SEM1: variants seen among roughly 807,000 people sequenced by gnomAD.
The protein encoded by SEM1 is SEM1 26S proteasome subunit, also known as 26S proteasome complex subunit SEM1.
A neutral mutation model predicts 12.7 loss-of-function variants in SEM1; 3 were observed. The ratio of observed to expected loss-of-function variants is 0.24; its 90% CI spans 0.11 to 0.61. SEM1 has a LOEUF of 0.61. SEM1 is among the 20% of genes least tolerant of loss of function. The pLI is 0.88. For missense variants in SEM1, 59 were observed against 81.3 expected, an observed-to-expected ratio of 0.73 and a Z score of 1.06; for synonymous variants, 30 against 27.8, an observed-to-expected ratio of 1.08 and a Z score of -0.25.
intron 2 of SEM1, among the ~76,000 whole-genome samples, chr7:96,522,891 C>CAAAA (rs540895823): frequency 2.7e-4 from 24 of 87,546 alleles, no homozygotes; most frequent in South Asian, 4.6e-4. Context: ...AACTCCATCT[C>CAAAA]AAAAAAAAAA....
chr7:96,584,445 C>G (rs1302843070), intron 2 of SEM1, among the ~76,000 whole-genome samples: 3 of 151,954 alleles, frequency 2.0e-5, no homozygotes, highest in East Asian at 3.9e-4. Context: ...AATTATGTGT[C>G]TTGGAGTTGC....
chr7:96,559,944 AG>A, intron 2 of SEM1, among the ~76,000 whole-genome samples: 1 of 152,224 alleles, frequency 6.6e-6, no homozygotes, highest in East Asian at 1.9e-4. Context: ...ACCTTGAAGA[AG>A]GTGCTGCCTT....
chr7:96,573,592 G>A (rs868251725), intron 2 of SEM1, among the ~76,000 whole-genome samples: 4 of 152,182 alleles, frequency 2.6e-5, no homozygotes, highest in Non-Finnish European at 4.4e-5. Context: ...TTGAATATTG[G>A]CCCCCCTCTC....
chr7:96,527,935 C>A (rs185038936), intron 2 of SEM1, among the ~76,000 whole-genome samples: 132 of 152,062 alleles, frequency 8.7e-4, no homozygotes, highest in Non-Finnish European at 1.7e-3. Flanking sequence ...TTTTGTTTTC[C>A]TTCTGCTTTT....
intron 2 of SEM1, among the ~76,000 whole-genome samples, chr7:96,643,134 G>T (rs1193124307): frequency 6.6e-6 from 1 of 151,898 alleles, no homozygotes; most frequent in Admixed American, 6.6e-5. Flanking sequence ...CCCAGTGTGT[G>T]TTGTTCCCAC....
chr7:96,589,708 A>G (rs1053036330), intron 2 of SEM1, among the ~76,000 whole-genome samples: 3 of 152,222 alleles, frequency 2.0e-5, no homozygotes, highest in Non-Finnish European at 2.9e-5. Flanking sequence ...TTGAAAAGAA[A>G]TTATCTTGGA....
intron 2 of SEM1, among the ~76,000 whole-genome samples, chr7:96,666,118 T>C (rs549939620): frequency 2.6e-5 from 4 of 152,320 alleles, no homozygotes; most frequent in Admixed American, 2.6e-4. Context: ...TCTAGAGCCA[T>C]TACATTCTTA....
intron 1 of SEM1, among the ~76,000 whole-genome samples, chr7:96,493,396 T>C (rs1803106597): frequency 6.6e-6 from 1 of 152,192 alleles, no homozygotes; most frequent in Admixed American, 6.5e-5. Flanking sequence ...CTTCCAGCTT[T>C]CCAAGCTTGA....
intron 2 of SEM1, among the ~76,000 whole-genome samples, chr7:96,609,800 A>C (rs546052681): frequency 6.6e-6 from 1 of 152,238 alleles, no homozygotes; most frequent in African/African-American, 2.4e-5. Context: ...AAGATGTATA[A>C]GGAAATAATA....
chr7:96,496,906 T>A (rs1004229100), upstream of SEM1, among the ~76,000 whole-genome samples: 1 of 152,086 alleles, frequency 6.6e-6, no homozygotes, highest in Non-Finnish European at 1.5e-5. Flanking sequence ...TTAACAAGTA[T>A]AAAATATTTA....
intron 2 of SEM1, among the ~76,000 whole-genome samples, chr7:96,512,894 G>C (rs920576654): frequency 6.6e-6 from 1 of 152,136 alleles, no homozygotes; most frequent in African/African-American, 2.4e-5. Context: ...AGGCAAAGAA[G>C]TTGATGTAGG....
chr7:96,700,896 A>T (rs1374442644), intron 1 of SEM1, among the ~76,000 whole-genome samples: 5 of 152,114 alleles, frequency 3.3e-5, no homozygotes, highest in African/African-American at 9.7e-5. Context: ...GTATGTTACT[A>T]TTTTATGTGT....
chr7:96,591,468 T>G (rs1806826218), intron 2 of SEM1, among the ~76,000 whole-genome samples: 2 of 152,174 alleles, frequency 1.3e-5, no homozygotes, highest in African/African-American at 2.4e-5. Flanking sequence ...ATTATATATT[T>G]CCAAGGAGAG....
intron 1 of SEM1, among the ~76,000 whole-genome samples, chr7:96,487,689 A>G (rs1802830558): frequency 6.7e-6 from 1 of 150,178 alleles, no homozygotes; most frequent in Non-Finnish European, 1.5e-5. Context: ...CATGGTGAAG[A>G]TGAGATTAAA....
chr7:96,604,915 C>T (rs762920729), intron 2 of SEM1, among the ~76,000 whole-genome samples: 7 of 151,508 alleles, frequency 4.6e-5, no homozygotes, highest in South Asian at 2.1e-4. Context: ...AGCAAGACTC[C>T]GTCTCAAAAA....
chr7:96,489,178 T>A (rs747876245), intron 1 of SEM1, among the ~76,000 whole-genome samples: 3 of 152,162 alleles, frequency 2.0e-5, no homozygotes, highest in Non-Finnish European at 4.4e-5. Flanking sequence ...GAAGAACACA[T>A]GAACACTCCT....
At chr7:96,541,464 A>C (rs1224812366) in intron 2 of SEM1, among the ~76,000 whole-genome samples, 1 of 86,158 alleles carries the variant, frequency 1.2e-5, no homozygotes, top group African/African-American at 4.6e-5. Flanking sequence ...TTTTTTGCTG[A>C]ATTGTTTAAG....
chr7:96,646,705 A>G (rs1241831891), intron 2 of SEM1, among the ~76,000 whole-genome samples: 2 of 152,144 alleles, frequency 1.3e-5, no homozygotes, highest in African/African-American at 4.8e-5. Context: ...GTGCAACACA[A>G]CTTTAAGATA....
chr7:96,672,947 T>C (rs1584852683), downstream of SEM1: 2 of 152,162 alleles, frequency 1.3e-5, no homozygotes, highest in Non-Finnish European at 2.9e-5. Flanking sequence ...TTCTCTGTTT[T>C]ATCATCTGTA....
Sources: gnomAD v4.1 joint callset for allele counts (sites outside exome capture counted in the v4.1 genomes callset) on GRCh38, gnomAD v4.1.1 for gene constraint, MANE v1.5 for transcripts, NCBI Gene and HGNC (gene_info 2026-07-23, HGNC 2026-07-21) for gene names.